The following SLC38A11 variants were observed in gnomAD, a reference collection of about 807,000 sequenced individuals.
SLC38A11 encodes the protein putative sodium-coupled neutral amino acid transporter 11.
A neutral mutation model predicts 49.4 loss-of-function variants in SLC38A11; 51 were observed. The ratio of observed to expected loss-of-function variants is 1.03; its 90% confidence interval spans 0.83 to 1.30. The LOEUF (loss-of-function observed/expected upper bound fraction) is 1.30. SLC38A11 is among the 50% of genes most tolerant of loss of function. SLC38A11 has a pLI of 0.00. For synonymous variants in SLC38A11, 203 were observed against 192.9 expected (o/e 1.05, Z -0.43); for missense variants, 574 against 556.2 (o/e 1.03, Z -0.32).
Position 164,896,108 on chromosome 2 carries a change from A to C in SLC38A11, c.*2329T>G. ...GAATCTCTTATTGAACTGAGGCAGAAAATAGATTGAGGGGTGGGGTTCTTG... is the reference window on the plus strand; with the variant it reads ...GAATCTCTTATTGAACTGAGGCAGACAATAGATTGAGGGGTGGGGTTCTTG... On this transcript the variant is annotated 3_prime_UTR_variant, in exon 12 of 12. Transcript: ENST00000685975. 6.6e-6 allele frequency: 1 copy of C among 152,168 alleles called. No individual in the cohort carries two copies. Among genetic ancestry groups the C allele is most frequent in the Non-Finnish European group, 1.5e-5 (1 of 68,016 alleles). The allele number at this position is 152,168 out of a possible 1,614,324, so 9.4% of individuals were successfully genotyped here.
At chr2:164,932,673 G>A (rs370026544) in intron 7 of SLC38A11, among the ~76,000 whole-genome samples, 63 of 152,204 alleles carry the variant, frequency 4.1e-4, no homozygotes, top group South Asian at 1.5e-3. Flanking sequence ...TTATAAGCGG[G>A]AGCTAAAAGA....
In SLC38A11 at chr2:164,947,224, T is replaced by TG. The variant is rs1688193923; in HGVS notation, c.230-1498dup. On this transcript the variant is annotated intron_variant, in intron 3 of 11. Coordinates refer to ENST00000685975, the MANE Select transcript of SLC38A11 (RefSeq NM_001351537.2). ...CTGGCTCACTGCAACTTCCGCCTCCTGGGTTCAAATGATTTTCCTGCCTCA... is the reference window on the plus strand; with the variant it reads ...CTGGCTCACTGCAACTTCCGCCTCCTGGGGTTCAAATGATTTTCCTGCCTCA... Among the ~76,000 whole-genome samples the TG allele has an allele frequency of 2.8e-5, 4 of 143,284 alleles. 1 individual carries two copies. The South Asian group carries it at 1.0e-3, about 36-fold the overall frequency. 94.0% of individuals were successfully genotyped at this position (143,284 alleles called of 152,430 possible). A position where few individuals can be genotyped will look rare whatever the true frequency, so the allele number is the denominator to read the frequency against.
At chr2:164,937,935 A>G (rs907469537) in intron 6 of SLC38A11, among the ~76,000 whole-genome samples, 2 of 150,130 alleles carry the variant, frequency 1.3e-5, no homozygotes, top group Non-Finnish European at 3.0e-5. Flanking sequence ...CTCCAGCTCT[A>G]CTTTTCCTAC....
intron 7 of SLC38A11, among the ~76,000 whole-genome samples, chr2:164,928,707 C>T (rs1198882677): frequency 6.6e-6 from 1 of 151,364 alleles, no homozygotes; most frequent in African/African-American, 2.4e-5. Context: ...TTTAACCAAC[C>T]AGAATATTCA....
intron 11 of SLC38A11, among the ~76,000 whole-genome samples, chr2:164,907,421 A>T (rs886070839): frequency 1.3e-5 from 2 of 151,490 alleles, no homozygotes; most frequent in African/African-American, 4.9e-5. Context: ...CTACAGGCAC[A>T]TGCCACCAAA....
At chr2:164,902,524 A>AT (rs1409467173) in intron 11 of SLC38A11, among the ~76,000 whole-genome samples, 1 of 152,220 alleles carries the variant, frequency 6.6e-6, no homozygotes, top group African/African-American at 2.4e-5. Context: ...AAAGAATAGT[A>AT]TAATGAAATC....
intron 7 of SLC38A11, among the ~76,000 whole-genome samples, chr2:164,921,092 A>G (rs906143322): frequency 2.6e-5 from 4 of 152,146 alleles, no homozygotes; most frequent in African/African-American, 9.6e-5. Flanking sequence ...CCATGTATTT[A>G]AGAAGAGGAA....
At chr2:164,918,091 AAAAG>A (rs1165535043) in intron 7 of SLC38A11, among the ~76,000 whole-genome samples, 2 of 152,024 alleles carry the variant, frequency 1.3e-5, no homozygotes, top group South Asian at 2.1e-4. Context: ...GGAAAAAAAA[AAAAG>A]AGAGAGAAGA....
intron 11 of SLC38A11, among the ~76,000 whole-genome samples, chr2:164,902,976 C>T (rs1034927534): frequency 2.6e-5 from 4 of 151,930 alleles, no homozygotes; most frequent in African/African-American, 9.7e-5. Flanking sequence ...CAAAGGTACA[C>T]AAAAAATAAA....
chr2:164,924,931 T>C (rs1686462721), intron 7 of SLC38A11, among the ~76,000 whole-genome samples: 1 of 152,076 alleles, frequency 6.6e-6, no homozygotes, highest in Non-Finnish European at 1.5e-5. Context: ...GCTAATTTTT[T>C]GTATTTTTAG....
chr2:164,918,390 G>T (rs1004143365), intron 7 of SLC38A11, among the ~76,000 whole-genome samples: 1 of 152,048 alleles, frequency 6.6e-6, no homozygotes, highest in East Asian at 1.9e-4. Context: ...AAGGAAAGAA[G>T]CTTATGACCA....
Position 164,895,627 on chromosome 2 carries a change from A to T in SLC38A11, c.*2810T>A, listed in dbSNP as rs985566101. On this transcript the variant is annotated 3_prime_UTR_variant, in exon 12 of 12. Coordinates refer to ENST00000685975, the MANE Select transcript of SLC38A11 (RefSeq NM_001351537.2). ...GATGCAGTCTCCTTTTAAGAAAGAC[A>T]AGGGGCAACAATTATTGTTTGGCAT... 6.6e-6 allele frequency: 1 copy of T among 152,190 alleles called. No individual in the cohort carries two copies. Among genetic ancestry groups the T allele is most frequent in the African/African-American group, 2.4e-5 (1 of 41,446 alleles). The allele number at this position is 152,190 out of a possible 1,614,324, so 9.4% of individuals were successfully genotyped here.
chr2:164,913,335 T>TA (rs1029924140), intron 9 of SLC38A11, among the ~76,000 whole-genome samples: 2 of 152,012 alleles, frequency 1.3e-5, no homozygotes, highest in African/African-American at 2.4e-5. Context: ...TAACCTCCAC[T>TA]AAAAAAATGA....
intron 8 of SLC38A11, chr2:164,915,631 A>G (rs181845289): frequency 1.1e-5 from 5 of 448,162 alleles, no homozygotes; most frequent in East Asian, 6.2e-5. Context: ...GAAGAAGTCC[A>G]TAACACTTGC....
rs558635721 is a variant in SLC38A11, at chr2:164,932,152, G to GA, written c.617+5197dup. On this transcript the variant is annotated intron_variant, in intron 7 of 11. Transcript: ENST00000685975. ...ACGTAATTGTGACCAACATTCATAT[G>GA]AAAAAAAGCTCAGCATCAATGATCA... Among the ~76,000 whole-genome samples, 5 of 152,082 alleles carry GA rather than the reference G, an allele frequency of 3.3e-5. No individual in the cohort carries two copies. The East Asian group carries it at 7.7e-4, about 23-fold the overall frequency.
At chr2:164,930,961 A>G (rs561192366) in intron 7 of SLC38A11, among the ~76,000 whole-genome samples, 1 of 152,246 alleles carries the variant, frequency 6.6e-6, no homozygotes, top group South Asian at 2.1e-4. Flanking sequence ...AGAGGAAGTC[A>G]AACTATCCCT....
chr2:164,940,731 GTA>G (rs1687708648), intron 5 of SLC38A11, among the ~76,000 whole-genome samples: 1 of 149,440 alleles, frequency 6.7e-6, no homozygotes, highest in Non-Finnish European at 1.5e-5. Flanking sequence ...TATATGTAGT[GTA>G]TATATATGTA....
chr2:164,931,096 C>T (rs553702780), intron 7 of SLC38A11, among the ~76,000 whole-genome samples: 38 of 151,742 alleles, frequency 2.5e-4, no homozygotes, highest in Non-Finnish European at 5.0e-4. Flanking sequence ...ACTAGCACTC[C>T]TATAAACCAA....
At chr2:164,902,494 G>A (rs2105444102) in intron 11 of SLC38A11, among the ~76,000 whole-genome samples, 2 of 152,146 alleles carry the variant, frequency 1.3e-5, no homozygotes, top group South Asian at 4.1e-4. Context: ...AAGTTAATTT[G>A]CAAGCATACA....
Sources: allele counts gnomAD v4.1 joint callset (sites outside exome capture counted in the v4.1 genomes callset), GRCh38; gene constraint gnomAD v4.1.1; transcripts MANE v1.5; gene names NCBI Gene and HGNC (gene_info 2026-07-23, HGNC 2026-07-21).